Variants in AMD1 observed in about 807,000 individuals in gnomAD.
The protein encoded by AMD1 is adenosylmethionine decarboxylase 1.
In AMD1, 11 loss-of-function variants were observed where a neutral mutation model predicts 40.2. That is an observed-to-expected ratio of 0.27 (90% CI 0.17 to 0.45). The LOEUF (loss-of-function observed/expected upper bound fraction) is 0.45. Among genes scored for constraint, AMD1 ranks in the 20% least tolerant of loss-of-function variants. AMD1 has a pLI of 1.00. For synonymous variants in AMD1, 121 were observed against 130.8 expected (o/e 0.93, Z 0.51); for missense variants, 257 against 410.2 (o/e 0.63, Z 3.23).
the AMD1 span, among the ~76,000 whole-genome samples, chr6:110,840,993 C>T: frequency 6.6e-6 from 1 of 152,214 alleles, no homozygotes; most frequent in Admixed American, 6.5e-5. Flanking sequence ...ATTCCCTTAA[C>T]AATCCTGCAA....
At chr6:110,859,322 G>A in the AMD1 span, among the ~76,000 whole-genome samples, 1 of 151,920 alleles carries the variant, frequency 6.6e-6, no homozygotes, top group Non-Finnish European at 1.5e-5. Flanking sequence ...TCCTTCGCAG[G>A]ACTGAGCCAC....
At chr6:110,848,742 T>C in the AMD1 span, 1 of 267,126 alleles carries the variant, frequency 3.7e-6, no homozygotes, top group South Asian at 4.6e-5. Context: ...CCAGGCACAG[T>C]GGCTAAAGCC....
chr6:110,882,894 G>A (rs1426385681), intron 1 of AMD1, among the ~76,000 whole-genome samples: 3 of 152,170 alleles, frequency 2.0e-5, no homozygotes, highest in Non-Finnish European at 4.4e-5. Context: ...TGAGATGGGA[G>A]GATCTCATTA....
chr6:110,894,048 C>T lies in AMD1; in HGVS notation c.*432C>T, dbSNP rs1225010154. ...CTAGGACTGTTCTATTAAATTGCTG[C>T]CAGAATTTTACATCCAGTTACCTCC... On this transcript the variant is annotated 3_prime_UTR_variant, in exon 9 of 9. Transcript: ENST00000368885. The T allele has an allele frequency of 6.5e-6, 1 of 154,308 alleles. No individual in the cohort carries two copies. The highest frequency in any genetic ancestry group is 1.4e-5 in the Non-Finnish European group (1 of 69,122). 9.6% of individuals were successfully genotyped at this position (154,308 alleles called of 1,614,324 possible). A position where few individuals can be genotyped will look rare whatever the true frequency, so the allele number is the denominator to read the frequency against.
At chr6:110,838,639 A>T in the AMD1 span, among the ~76,000 whole-genome samples, 2 of 151,948 alleles carry the variant, frequency 1.3e-5, no homozygotes, top group South Asian at 2.1e-4. Context: ...TGGGTGGGTC[A>T]CCTGAGGTCA....
the AMD1 span, among the ~76,000 whole-genome samples, chr6:110,857,998 A>G: frequency 1.4e-3 from 219 of 151,806 alleles, no homozygotes; most frequent in Non-Finnish European, 2.6e-3. Flanking sequence ...CCAGGCCCCA[A>G]TAACTTATTA....
chr6:110,817,882 G>C, the AMD1 span, among the ~76,000 whole-genome samples: 2 of 152,146 alleles, frequency 1.3e-5, no homozygotes, highest in Non-Finnish European at 2.9e-5. Flanking sequence ...TGCTGAGTGA[G>C]AGCCAAAATT....
the AMD1 span, among the ~76,000 whole-genome samples, chr6:110,839,179 T>C: frequency 6.6e-6 from 1 of 152,244 alleles, no homozygotes; most frequent in African/African-American, 2.4e-5. Context: ...GTGCAAATGT[T>C]AACCATGTTA....
chr6:110,814,805 G>A, the AMD1 span: 14 of 701,418 alleles, frequency 2.0e-5, no homozygotes, highest in Non-Finnish European at 3.5e-5. Context: ...GCTGCGCCGC[G>A]GGAGTTCGAG....
intron 2 of AMD1, among the ~76,000 whole-genome samples, chr6:110,887,865 T>C (rs1785781380): frequency 6.6e-6 from 1 of 152,134 alleles, no homozygotes; most frequent in Non-Finnish European, 1.5e-5. Flanking sequence ...TTTGTATTTT[T>C]AGTAGAGACG....
At chr6:110,860,824 AACACCCACCCACACAC>A in the AMD1 span, among the ~76,000 whole-genome samples, 28 of 133,466 alleles carry the variant, frequency 2.1e-4, no homozygotes, top group African/African-American at 3.3e-4. Flanking sequence ...AACAAAACAA[AACACCCACCCACACAC>A]ACACACACAC....
the AMD1 span, among the ~76,000 whole-genome samples, chr6:110,855,065 C>CCTTTT: frequency 1.2e-5 from 1 of 80,446 alleles, no homozygotes; most frequent in Non-Finnish European, 2.3e-5. Flanking sequence ...CTCTCTCTCT[C>CCTTTT]TTTTTTTTTT....
At chr6:110,858,838 C>G in the AMD1 span, 1 of 779,532 alleles carries the variant, frequency 1.3e-6, no homozygotes. Flanking sequence ...TCCTGCCCCC[C>G]ATGGACAACT....
intron 1 of AMD1, among the ~76,000 whole-genome samples, 157 bp downstream of exon 1, chr6:110,875,372 G>C (rs1785038252): frequency 6.6e-6 from 1 of 152,274 alleles, no homozygotes; most frequent in South Asian, 2.1e-4. Context: ...GCGCGGTTTG[G>C]GGGAGAGCGG....
At chr6:110,889,187 C>A in intron 3 of AMD1, 1 of 385,704 alleles carries the variant, frequency 2.6e-6, no homozygotes, top group Non-Finnish European at 4.3e-6. Flanking sequence ...GGATGAAATT[C>A]AAATGGGAGA....
At chr6:110,870,381 C>T (rs1163012417), upstream of AMD1, among the ~76,000 whole-genome samples, 2 of 152,128 alleles carry the variant, frequency 1.3e-5, no homozygotes, top group Non-Finnish European at 2.9e-5. Context: ...TGCCAGCACT[C>T]TGGGAGGTTG....
chr6:110,859,420 G>A, the AMD1 span, among the ~76,000 whole-genome samples: 5 of 152,158 alleles, frequency 3.3e-5, no homozygotes, highest in Admixed American at 2.0e-4. Flanking sequence ...GGGCCGAGCA[G>A]TGCTGGGGAG....
chr6:110,814,824 C>T, the AMD1 span: 2 of 777,652 alleles, frequency 2.6e-6, no homozygotes, highest in East Asian at 5.9e-5. Context: ...AGGTACGCGA[C>T]GGGGCCGCGC....
At chr6:110,860,842 CACA>C in the AMD1 span, among the ~76,000 whole-genome samples, 154 of 149,100 alleles carry the variant, frequency 1.0e-3, 3 homozygotes, top group Middle Eastern at 0.014. Context: ...CCCACACACA[CACA>C]CACACACACA....
Sources: gnomAD v4.1 joint callset for allele counts (sites outside exome capture counted in the v4.1 genomes callset) on GRCh38, gnomAD v4.1.1 for gene constraint, MANE v1.5 for transcripts, NCBI Gene and HGNC (gene_info 2026-07-23, HGNC 2026-07-21) for gene names.